The following PRDM15 variants were observed in gnomAD, a reference collection of about 807,000 sequenced individuals.
PRDM15 encodes the protein PR/SET domain 15.
PRDM15 carries 64 observed loss-of-function variants against 128.6 expected under a neutral mutation model. That is an observed-to-expected ratio of 0.50 (90% CI 0.41 to 0.61). The LOEUF (loss-of-function observed/expected upper bound fraction) is 0.61. Among genes scored for constraint, PRDM15 ranks in the 20% least tolerant of loss-of-function variants. PRDM15 has a pLI of 0.00. For synonymous variants in PRDM15, 615 were observed against 621.8 expected (o/e 0.99, Z 0.16); for missense variants, 1,242 against 1,569.1 (o/e 0.79, Z 3.52).
At chr21:41,867,797 T>C (rs1403061876) in intron 1 of PRDM15, among the ~76,000 whole-genome samples, 2 of 152,166 alleles carry the variant, frequency 1.3e-5, no homozygotes, top group African/African-American at 4.8e-5. Context: ...TGGCTCATGC[T>C]TGTAATCCCA....
intron 19 of PRDM15, chr21:41,814,879 G>A (rs1208166265): frequency 6.9e-6 from 1 of 145,342 alleles, no homozygotes; most frequent in African/African-American, 2.6e-5. Context: ...AGAATGCCTT[G>A]TGTTAGTGAT....
At chr21:41,805,997 C>T (rs1434910308) in intron 21 of PRDM15, among the ~76,000 whole-genome samples, 3 of 76,752 alleles carry the variant, frequency 3.9e-5, no homozygotes, top group African/African-American at 5.0e-5. Flanking sequence ...ATCACCACCA[C>T]CACCACCATC....
chr21:41,837,846 C>T, intron 8 of PRDM15, 88 bp downstream of exon 8: 1 of 1,450,586 alleles, frequency 6.9e-7, no homozygotes, highest in Non-Finnish European at 9.6e-7. Flanking sequence ...GGCTTTCCTG[C>T]TGGGAAGGTG....
At position 41,832,708 on chromosome 21, in the gene PRDM15, C is replaced by G. The variant is rs1392664850; in HGVS notation, c.1366+2729G>C. Among the ~76,000 whole-genome samples the G allele has an allele frequency of 6.6e-6, 1 of 152,170 alleles. No individual in the cohort carries two copies. The highest frequency in any genetic ancestry group is 1.5e-5 in the Non-Finnish European group (1 of 68,024). On this transcript the variant is annotated intron_variant, in intron 11 of 23. Transcript: ENST00000398548. This position sits in a 1 kb window ranked among gnomAD's most constrained non-coding sequence, Gnocchi z 4.2. The stretch of plus-strand genomic sequence containing the variant: ...GTACCAACCAATACAAGTGAGCCCC[C>G]CTCCCAGGCAGGTGCAAATCAGCAC...
At chr21:41,856,264 T>G (rs1319886189) in intron 4 of PRDM15, among the ~76,000 whole-genome samples, 1 of 100,668 alleles carries the variant, frequency 9.9e-6, no homozygotes, top group African/African-American at 3.9e-5. Context: ...CTCCCCTCCC[T>G]TCCTTCCTTC....
chr21:41,804,571 G>A lies in PRDM15; in HGVS notation c.2696C>T (p.Thr899Ile). The A allele has an allele frequency of 6.4e-7, 1 of 1,572,048 alleles. No homozygotes were observed. Among genetic ancestry groups the A allele is most frequent in the Non-Finnish European group, 8.6e-7 (1 of 1,158,460 alleles). ...AATGGAGGAGGCGTCGATGGTGGTG[G>A]TCTCCGGGAGGTGGTCCAGGTCATC... ...RIDDLDHLPE[T>I]TTIDASSIGI... Residue 899 changes from threonine to isoleucine, a missense_variant, in exon 22 of 24, where the codon ACC (threonine) becomes ATC (isoleucine). Thr to Ile is a moderately conservative substitution (Grantham distance 89). Coordinates refer to ENST00000398548, the MANE Select transcript of PRDM15 (RefSeq NM_001040424.3).
chr21:41,804,660 T>C, intron 21 of PRDM15, 46 bp from the exon 22 acceptor site: 2 of 1,463,834 alleles, frequency 1.4e-6, no homozygotes, highest in African/African-American at 1.4e-5. Context: ...GTGCTGCTGA[T>C]GCAGGTGGGA....
intron 22 of PRDM15, among the ~76,000 whole-genome samples, chr21:41,803,963 ATTT>A (rs72214468): frequency 5.3e-5 from 7 of 132,438 alleles, no homozygotes; most frequent in East Asian, 2.2e-4. Context: ...GATTGTTCTG[ATTT>A]TTTTTTTTTT....
rs2062461625 is a variant in PRDM15 at position 41,826,110 on chromosome 21, T to C, written c.1535-56A>G. On this transcript the variant is annotated intron_variant, in intron 12 of 23. Coordinates refer to ENST00000398548, the MANE Select transcript of PRDM15 (RefSeq NM_001040424.3). ...TGAATACACATAGAACACGCGAAGG[T>C]CCATCAGATTCCACTTCAGCCAGCA... 2.9e-6 allele frequency: 4 copies of C among 1,368,182 alleles called. No homozygotes were observed. The South Asian group carries it at 4.7e-5, about 16-fold the overall frequency. 84.8% of individuals were successfully genotyped at this position (1,368,182 alleles called of 1,614,324 possible). A position where few individuals can be genotyped will look rare whatever the true frequency, so the allele number is the denominator to read the frequency against.
In PRDM15 at chr21:41,821,805, G is replaced by T; in HGVS notation, c.1896+98C>A. ...CCTTTGGGGAGGGAGGGCTGCTTCC[G>T]AGATGCATGAAGGTGCCTGCTGTGT... On this transcript the variant is annotated intron_variant, in intron 15 of 23. Transcript: ENST00000398548. This position sits in a 1 kb window ranked among gnomAD's most constrained non-coding sequence, Gnocchi z 5.4. The T allele has an allele frequency of 6.8e-7, 1 of 1,462,182 alleles. No homozygotes were observed. The highest frequency in any genetic ancestry group is 1.2e-5 in the South Asian group (1 of 84,888). The allele number at this position is 1,462,182 out of a possible 1,614,324, so 90.6% of individuals were successfully genotyped here.
intron 1 of PRDM15, chr21:41,874,964 G>C (rs2064357931): frequency 6.6e-6 from 1 of 152,438 alleles, no homozygotes; most frequent in African/African-American, 2.4e-5. Context: ...GAGGACTCCA[G>C]GACAGGCTGA....
chr21:41,853,312 T>C (rs1230324498), intron 5 of PRDM15, among the ~76,000 whole-genome samples: 1 of 152,226 alleles, frequency 6.6e-6, no homozygotes, highest in Admixed American at 6.5e-5. Flanking sequence ...AATCTTAAGC[T>C]ACCGAGCTAC....
chr21:41,803,220 T>G, intron 22 of PRDM15: 1 of 421,358 alleles, frequency 2.4e-6, no homozygotes, highest in Non-Finnish European at 4.3e-6. Flanking sequence ...ACTGGGTATT[T>G]CCAAAGGGAA....
At chr21:41,865,298 G>A (rs974201427) in intron 1 of PRDM15, among the ~76,000 whole-genome samples, 6 of 152,162 alleles carry the variant, frequency 3.9e-5, no homozygotes, top group African/African-American at 9.7e-5. Context: ...TTCTAAAAGC[G>A]CTCTGCGATT....
At chr21:41,855,511 C>G (rs947216984) in intron 4 of PRDM15, among the ~76,000 whole-genome samples, 2 of 152,194 alleles carry the variant, frequency 1.3e-5, no homozygotes, top group African/African-American at 4.8e-5. Context: ...CCTAGAGAGG[C>G]CTCTCCAAAG....
intron 2 of PRDM15, 26 bp downstream of exon 2, chr21:41,860,301 C>T (rs775205856): frequency 8.7e-6 from 14 of 1,608,164 alleles, no homozygotes; most frequent in Non-Finnish European, 1.2e-5. Context: ...GGTCTCGGAC[C>T]TGGGACAGGT....
rs551262305 is a variant in PRDM15, at chr21:41,816,436, G to A, written c.2261-600C>T. ...CATGTGCGGCTTGGTACACCTGACC[G>A]TGAGGCTGACACGCACCAGGGAACA... On this transcript the variant is annotated intron_variant, in intron 18 of 23. Transcript: ENST00000398548. Among the ~76,000 whole-genome samples, 228 of 152,304 alleles carry A rather than the reference G, an allele frequency of 1.5e-3. 2 individuals carry two copies. Among genetic ancestry groups the A allele is most frequent in the South Asian group, 0.011 (53 of 4,828 alleles).
At chr21:41,871,734 G>T in intron 1 of PRDM15, 1 of 1,217,448 alleles carries the variant, frequency 8.2e-7, no homozygotes, top group Admixed American at 2.6e-5. Flanking sequence ...ACCACTGACA[G>T]CCAATCAGCA....
intron 11 of PRDM15, among the ~76,000 whole-genome samples, chr21:41,830,045 C>T (rs1372135946): frequency 1.3e-5 from 2 of 151,342 alleles, no homozygotes; most frequent in Non-Finnish European, 3.0e-5. Flanking sequence ...TACAATCATA[C>T]AACGTACACC....
Sources: allele counts gnomAD v4.1 joint callset (sites outside exome capture counted in the v4.1 genomes callset), GRCh38; gene constraint gnomAD v4.1.1; non-coding constraint Gnocchi (gnomAD v3.1); transcripts MANE v1.5; gene names NCBI Gene and HGNC (gene_info 2026-07-23, HGNC 2026-07-21).